BCL7C: variants seen among roughly 807,000 people sequenced by gnomAD.
BCL7C encodes BAF chromatin remodeling complex subunit BCL7C.
BCL7C carries 8 observed loss-of-function variants against 26.2 expected under a neutral mutation model. The observed-to-expected ratio is 0.30, with a 90% CI of 0.18 to 0.55. BCL7C has a LOEUF of 0.55. Among genes scored for constraint, BCL7C ranks in the 20% least tolerant of loss-of-function variants. BCL7C has a pLI of 0.93. For missense variants in BCL7C, 262 were observed against 298.5 expected (o/e 0.88, Z 0.90); for synonymous variants, 90 against 116.5 (o/e 0.77, Z 1.47).
At chr16:30,855,016 T>G (rs1405517962) in intron 5 of BCL7C, among the ~76,000 whole-genome samples, 1 of 152,130 alleles carries the variant, frequency 6.6e-6, no homozygotes, top group Non-Finnish European at 1.5e-5. Context: ...CACTTTTACG[T>G]TATGTAATTA....
chr16:30,855,026 AATAAC>A (rs2054708121), intron 5 of BCL7C, among the ~76,000 whole-genome samples: 1 of 152,042 alleles, frequency 6.6e-6, no homozygotes, highest in African/African-American at 2.4e-5. Flanking sequence ...TTATGTAATT[AATAAC>A]ATAATTAATC....
downstream of BCL7C, among the ~76,000 whole-genome samples, chr16:30,887,090 C>T (rs2143135033): frequency 6.6e-6 from 1 of 152,250 alleles, no homozygotes; most frequent in East Asian, 1.9e-4. Context: ...GGGCAAATCA[C>T]TTGTGGTCAG....
rs2055287304 is a variant in BCL7C, at chr16:30,893,327, A to G, written c.93-37T>C. The G allele has an allele frequency of 1.3e-6, 2 of 1,571,716 alleles. No homozygotes were observed. The highest frequency in any genetic ancestry group is 1.4e-5 in the African/African-American group (1 of 73,978). ...TGGGGGGCTGGGTCAGAGAGGCCTG[A>G]GGGGAGACCCACCCCCCTAGGAGCT... On this transcript the variant is annotated intron_variant, in intron 1 of 5. Coordinates refer to ENST00000215115, the MANE Select transcript of BCL7C (RefSeq NM_004765.4). The surrounding 1 kb of genome is among the most constrained non-coding windows in gnomAD (Gnocchi z 5.2).
intron 5 of BCL7C, among the ~76,000 whole-genome samples, chr16:30,871,371 C>G (rs1426917868): frequency 6.6e-6 from 1 of 152,110 alleles, no homozygotes; most frequent in South Asian, 2.1e-4. Flanking sequence ...CTTCTCTGTG[C>G]CTTGCTTTTC....
At position 30,893,017 on chromosome 16, in the gene BCL7C, C is replaced by T; in HGVS notation, c.172-69G>A. ...CCATACACCTAAGGAAACTGAGGCA[C>T]TGAGAAGCAAAAGGGCTCAAACTCA... On this transcript the variant is annotated intron_variant, in intron 2 of 5. Coordinates refer to ENST00000215115, the MANE Select transcript of BCL7C (RefSeq NM_004765.4). This position sits in a 1 kb window ranked among gnomAD's most constrained non-coding sequence, Gnocchi z 5.2. 1 of 1,474,692 alleles carries T rather than the reference C, an allele frequency of 6.8e-7. No homozygotes were observed. The highest frequency in any genetic ancestry group is 1.2e-5 in the South Asian group (1 of 82,824). 91.4% of individuals were successfully genotyped at this position (1,474,692 alleles called of 1,614,324 possible). A position where few individuals can be genotyped will look rare whatever the true frequency, so the allele number is the denominator to read the frequency against.
At chr16:30,835,495 T>C (rs1012113045) in intron 5 of BCL7C, among the ~76,000 whole-genome samples, 4 of 152,082 alleles carry the variant, frequency 2.6e-5, no homozygotes, top group Non-Finnish European at 5.9e-5. Flanking sequence ...GGTTGGTGCA[T>C]CCACAGGCCA....
chr16:30,892,817 C>G (rs184556107), intron 3 of BCL7C, 23 bp downstream of exon 3: 18,118 of 1,613,732 alleles, frequency 0.011, 125 homozygotes, highest in Non-Finnish European at 0.014. Context: ...CACAGCCCCC[C>G]GCGTTTCAGG....
chr16:30,856,923 T>C (rs974394025), intron 5 of BCL7C, among the ~76,000 whole-genome samples: 3 of 152,232 alleles, frequency 2.0e-5, no homozygotes, highest in African/African-American at 4.8e-5. Flanking sequence ...ATGGCATGGT[T>C]TTCTTTCCTT....
chr16:30,879,883 G>A (rs1230667985), intron 5 of BCL7C, among the ~76,000 whole-genome samples: 1 of 151,644 alleles, frequency 6.6e-6, no homozygotes, highest in Non-Finnish European at 1.5e-5. Flanking sequence ...TCAGCTACTT[G>A]GGAGGCTGAG....
rs968505794 is a variant in BCL7C at position 30,893,759 on chromosome 16, A to T, written c.92+94T>A. Reference sequence around the variant, plus strand: ...AAGCTAGTGGGTGGAGATACACCGAACACCCGGGGCCCAGAGCTGGCGAGG... The same window carrying T: ...AAGCTAGTGGGTGGAGATACACCGATCACCCGGGGCCCAGAGCTGGCGAGG... On this transcript the variant is annotated intron_variant, in intron 1 of 5. Transcript: ENST00000215115. The surrounding 1 kb of genome is among the most constrained non-coding windows in gnomAD (Gnocchi z 5.2). The T allele has an allele frequency of 1.8e-6, 2 of 1,121,788 alleles. No individual in the cohort carries two copies. Among genetic ancestry groups the T allele is most frequent in the African/African-American group, 3.1e-5 (2 of 64,492 alleles). The allele number at this position is 1,121,788 out of a possible 1,614,324, so 69.5% of individuals were successfully genotyped here. A position where few individuals can be genotyped will look rare whatever the true frequency, so the allele number is the denominator to read the frequency against.
chr16:30,852,853 ACTTAG>A (rs1482344287), intron 5 of BCL7C, among the ~76,000 whole-genome samples: 3 of 151,312 alleles, frequency 2.0e-5, no homozygotes, highest in Non-Finnish European at 4.4e-5. Flanking sequence ...ATGTTATTAC[ACTTAG>A]CTTAAAGTAC....
At chr16:30,848,640 A>G (rs942704555) in intron 5 of BCL7C, among the ~76,000 whole-genome samples, 1 of 152,182 alleles carries the variant, frequency 6.6e-6, no homozygotes, top group Non-Finnish European at 1.5e-5. Flanking sequence ...CTGTAATCCC[A>G]GCACTTTGGG....
At chr16:30,892,361 G>T (rs2055259541) in intron 4 of BCL7C, among the ~76,000 whole-genome samples, 1 of 144,904 alleles carries the variant, frequency 6.9e-6, no homozygotes, top group Admixed American at 7.0e-5. Flanking sequence ...AGATAAACTA[G>T]TAAAAAATTA....
At chr16:30,875,270 C>A (rs1273156955) in intron 5 of BCL7C, 2 of 154,596 alleles carry the variant, frequency 1.3e-5, no homozygotes, top group East Asian at 3.9e-4. Flanking sequence ...ATCCCCTACC[C>A]GCTTACTGCA....
intron 5 of BCL7C, among the ~76,000 whole-genome samples, chr16:30,867,089 T>A (rs2054835964): frequency 6.6e-6 from 1 of 152,044 alleles, no homozygotes; most frequent in Non-Finnish European, 1.5e-5. Flanking sequence ...TCAAACCAAA[T>A]GACTTTTAAA....
At chr16:30,890,890 C>T (rs1429425433) in intron 4 of BCL7C, among the ~76,000 whole-genome samples, 2 of 152,194 alleles carry the variant, frequency 1.3e-5, no homozygotes, top group East Asian at 1.9e-4. Flanking sequence ...GAGGCTGAGG[C>T]GGGAGAATCG....
intron 4 of BCL7C, 36 bp downstream of exon 4, chr16:30,892,550 T>G: frequency 1.3e-6 from 2 of 1,526,114 alleles, no homozygotes; most frequent in Non-Finnish European, 1.7e-6. Flanking sequence ...AGACAGGACT[T>G]AGAGGAGAGA....
At chr16:30,849,182 G>A (rs1477300410) in intron 5 of BCL7C, among the ~76,000 whole-genome samples, 8 of 148,698 alleles carry the variant, frequency 5.4e-5, no homozygotes, top group African/African-American at 1.5e-4. Context: ...GCAAGACTCC[G>A]TCTCAAAAAA....
At position 30,893,520 on chromosome 16, in the gene BCL7C, C is replaced by A. The variant is rs2143197777; in HGVS notation, c.93-230G>T. ...GATTTGGGGCCCTGGCTCTGCGGACCCCTGGGGCACACATGGGGGGCGTGG... is the reference window on the plus strand; with the variant it reads ...GATTTGGGGCCCTGGCTCTGCGGACACCTGGGGCACACATGGGGGGCGTGG... On this transcript the variant is annotated intron_variant, in intron 1 of 5. Transcript: ENST00000215115. This position sits in a 1 kb window ranked among gnomAD's most constrained non-coding sequence, Gnocchi z 5.2. Among the ~76,000 whole-genome samples, 1 of 152,200 alleles carries A rather than the reference C, an allele frequency of 6.6e-6. No individual in the cohort carries two copies. Among genetic ancestry groups the A allele is most frequent in the Admixed American group, 6.5e-5 (1 of 15,292 alleles).
Sources: gnomAD v4.1 joint callset for allele counts (sites outside exome capture counted in the v4.1 genomes callset) on GRCh38, gnomAD v4.1.1 for gene constraint, Gnocchi (gnomAD v3.1) non-coding constraint, MANE v1.5 for transcripts, NCBI Gene and HGNC (gene_info 2026-07-23, HGNC 2026-07-21) for gene names.